The following SNTG2 variants were observed in gnomAD, a reference collection of about 807,000 sequenced individuals.
SNTG2 encodes gamma-2-syntrophin.
In SNTG2, 74 loss-of-function variants were observed where a neutral mutation model predicts 70.9. The ratio of observed to expected loss-of-function variants is 1.04; its 90% CI spans 0.86 to 1.27. The LOEUF (loss-of-function observed/expected upper bound fraction) is 1.27. Among genes scored for constraint, SNTG2 ranks in the 50% most tolerant of loss-of-function variants. The pLI, the probability that SNTG2 is intolerant of heterozygous loss-of-function variation, is 0.00. For missense variants in SNTG2, 717 were observed against 690.7 expected, an observed-to-expected ratio of 1.04 and a Z score of -0.43; for synonymous variants, 278 against 273.8, an observed-to-expected ratio of 1.02 and a Z score of -0.15.
intron 16 of SNTG2, among the ~76,000 whole-genome samples, chr2:1,335,063 C>T (rs562001550): frequency 6.6e-6 from 1 of 152,236 alleles, no homozygotes; most frequent in East Asian, 1.9e-4. Flanking sequence ...CACTAATTGC[C>T]CTTTTCATAA....
intron 14 of SNTG2, among the ~76,000 whole-genome samples, chr2:1,290,978 T>C (rs1487264377): frequency 6.6e-6 from 1 of 152,246 alleles, no homozygotes; most frequent in Admixed American, 6.5e-5. Flanking sequence ...GGGTTCTAAT[T>C]TCTTCATAGC....
intron 14 of SNTG2, among the ~76,000 whole-genome samples, chr2:1,281,251 T>TG (rs1485558390): frequency 1.3e-3 from 23 of 17,788 alleles, no homozygotes; most frequent in East Asian, 2.6e-3. Context: ...GTGTGGTGTG[T>TG]GTGTGGTGGT....
intron 16 of SNTG2, 51 bp from the exon 17 acceptor site, chr2:1,367,292 C>A: frequency 6.8e-7 from 1 of 1,469,336 alleles, no homozygotes; most frequent in Non-Finnish European, 9.0e-7. Flanking sequence ...ATTTTTGTAA[C>A]GTGTTCTTCC....
chr2:953,762 C>T (rs992974975), intron 1 of SNTG2, among the ~76,000 whole-genome samples: 1 of 152,138 alleles, frequency 6.6e-6, no homozygotes, highest in African/African-American at 2.4e-5. Context: ...AAAAGTGTGC[C>T]TTGTTTTTGT....
At chr2:1,348,738 C>T (rs750564408) in intron 16 of SNTG2, among the ~76,000 whole-genome samples, 1 of 152,192 alleles carries the variant, frequency 6.6e-6, no homozygotes, top group African/African-American at 2.4e-5. Context: ...GTGTCACAGG[C>T]CATGGCCATT....
intron 1 of SNTG2, among the ~76,000 whole-genome samples, chr2:1,063,392 G>A (rs1371824546): frequency 1.3e-5 from 2 of 152,148 alleles, no homozygotes; most frequent in Non-Finnish European, 2.9e-5. Flanking sequence ...GAAGCAGGAG[G>A]CATTTGCAGA....
chr2:1,230,696 C>T (rs1176708847), intron 9 of SNTG2, among the ~76,000 whole-genome samples: 18 of 152,212 alleles, frequency 1.2e-4, no homozygotes, highest in Non-Finnish European at 2.2e-4. Flanking sequence ...GTGCCCTGGT[C>T]GACAGCGTGG....
At chr2:951,787 G>A (rs909516771) in intron 1 of SNTG2, among the ~76,000 whole-genome samples, 2 of 152,188 alleles carry the variant, frequency 1.3e-5, no homozygotes, top group African/African-American at 4.8e-5. Flanking sequence ...AACAGTTTAA[G>A]GGAGCACGTG....
chr2:1,077,356 A>C (rs991475382), intron 1 of SNTG2, among the ~76,000 whole-genome samples: 1 of 152,132 alleles, frequency 6.6e-6, no homozygotes, highest in African/African-American at 2.4e-5. Context: ...CCTTTTAAAC[A>C]TTTACCTGCC....
chr2:1,079,725 T>G (rs897730081), intron 1 of SNTG2, among the ~76,000 whole-genome samples: 4 of 152,216 alleles, frequency 2.6e-5, no homozygotes, highest in African/African-American at 9.6e-5. Flanking sequence ...ATCCCTGGGT[T>G]GCAGGCAATG....
chr2:953,810 T>C (rs1383619865), intron 1 of SNTG2, among the ~76,000 whole-genome samples: 4 of 152,224 alleles, frequency 2.6e-5, no homozygotes, highest in Admixed American at 2.6e-4. Flanking sequence ...AAAATTGCCT[T>C]GTTTTCTGAA....
intron 1 of SNTG2, among the ~76,000 whole-genome samples, chr2:964,799 G>T (rs760550566): frequency 1.8e-4 from 27 of 152,160 alleles, no homozygotes; most frequent in Non-Finnish European, 3.2e-4. Flanking sequence ...CAGCCTTGCC[G>T]TCCACTGCGT....
Position 1,234,986 on chromosome 2 carries a change from A to G in SNTG2, c.720-2902A>G, listed in dbSNP as rs147105455. 2.1e-3 allele frequency among the ~76,000 whole-genome samples: 324 copies of G among 152,334 alleles called. 5 individuals carry two copies. Among genetic ancestry groups the G allele is most frequent in the African/African-American group, 7.1e-3 (294 of 41,578 alleles). On this transcript the variant is annotated intron_variant, in intron 9 of 16. Transcript: ENST00000308624. The stretch of plus-strand genomic sequence containing the variant: ...CAACCCTGAGAATCAGGAAATGCCA[A>G]CTCCCTGAGAAGACACTGTCGTTAG...
intron 1 of SNTG2, among the ~76,000 whole-genome samples, chr2:1,077,599 G>A (rs1022976476): frequency 2.0e-5 from 3 of 152,108 alleles, no homozygotes; most frequent in African/African-American, 7.2e-5. Flanking sequence ...TTACAGAAAG[G>A]TTTTTTATTT....
chr2:1,308,660 A>G, intron 15 of SNTG2, 74 bp downstream of exon 15: 2 of 1,266,244 alleles, frequency 1.6e-6, no homozygotes, highest in Non-Finnish European at 2.3e-6. Flanking sequence ...GTTAACACTC[A>G]CGCATGTCTG....
At position 1,098,223 on chromosome 2, in the gene SNTG2, C is replaced by T. The variant is rs1665520887; in HGVS notation, c.238C>T (p.Pro80Ser). Reference sequence around the variant, plus strand: ...CAGAACTGTTACACTCCGCAGACAGCCAGTTGGCGGCTTGGGCCTGAGTAT... The same window carrying T: ...CAGAACTGTTACACTCCGCAGACAGTCAGTTGGCGGCTTGGGCCTGAGTAT... ...NRRTVTLRRQ[P>S]VGGLGLSIKG... Residue 80 changes from proline (P) to serine (S), a missense_variant, in exon 3 of 17, where the codon CCA becomes TCA. Pro to Ser is a moderately conservative substitution (Grantham distance 74). Transcript: ENST00000308624. The T allele has an allele frequency of 2.5e-6, 4 of 1,614,024 alleles. No homozygotes were observed. Among genetic ancestry groups the T allele is most frequent in the Non-Finnish European group, 2.5e-6 (3 of 1,179,898 alleles).
intron 9 of SNTG2, among the ~76,000 whole-genome samples, chr2:1,216,665 G>C (rs1232925920): frequency 1.3e-5 from 2 of 152,176 alleles, no homozygotes; most frequent in Admixed American, 1.3e-4. Context: ...CAGTGGGATG[G>C]GAACCCACCA....
At chr2:1,139,554 A>G (rs1668615273) in intron 6 of SNTG2, among the ~76,000 whole-genome samples, 1 of 152,144 alleles carries the variant, frequency 6.6e-6, no homozygotes, top group Admixed American at 6.5e-5. Context: ...TTTTTGCACC[A>G]GTTGCTCACA....
intron 9 of SNTG2, among the ~76,000 whole-genome samples, chr2:1,235,676 G>A (rs973209812): frequency 6.6e-6 from 1 of 152,198 alleles, no homozygotes; most frequent in Non-Finnish European, 1.5e-5. Flanking sequence ...GCTGCCCCAG[G>A]ATCCCTGCAG....
Sources: allele counts gnomAD v4.1 joint callset (sites outside exome capture counted in the v4.1 genomes callset), GRCh38; gene constraint gnomAD v4.1.1; transcripts MANE v1.5; gene names NCBI Gene and HGNC (gene_info 2026-07-23, HGNC 2026-07-21).